The following AGO3 variants were observed in gnomAD, a reference collection of about 807,000 sequenced individuals.
AGO3 encodes argonaute RISC catalytic component 3.
A neutral mutation model predicts 105.5 loss-of-function variants in AGO3; 16 were observed. That is an observed-to-expected ratio of 0.15 (90% CI 0.10 to 0.23). The LOEUF (loss-of-function observed/expected upper bound fraction) is 0.23. Ranked by LOEUF, AGO3 falls within the 10% of genes least tolerant of loss-of-function variation. AGO3 has a pLI of 1.00. For synonymous variants in AGO3, 340 were observed against 367.3 expected (o/e 0.93, Z 0.85); for missense variants, 534 against 1,088.0 (o/e 0.49, Z 7.16).
At chr1:36,049,811 AC>A (rs1463910504) in intron 17 of AGO3, among the ~76,000 whole-genome samples, 1 of 152,188 alleles carries the variant, frequency 6.6e-6, no homozygotes, top group African/African-American at 2.4e-5. Flanking sequence ...ATAAAATGAG[AC>A]AAAGAAGGTC....
At chr1:35,958,193 C>T (rs574036487) in intron 2 of AGO3, among the ~76,000 whole-genome samples, 14 of 152,044 alleles carry the variant, frequency 9.2e-5, no homozygotes, top group Admixed American at 3.9e-4. Flanking sequence ...TCAGCCTGGC[C>T]AACATGGTGA....
intron 1 of AGO3, among the ~76,000 whole-genome samples, chr1:35,932,881 C>T (rs187656477): frequency 4.6e-5 from 7 of 152,264 alleles, no homozygotes; most frequent in Admixed American, 4.6e-4. Context: ...TATTAATCAT[C>T]CCAAAACTTT....
In AGO3 at chr1:36,065,624, A is replaced by C. The variant is rs1268249663; in HGVS notation, c.*9879A>C. 1.3e-5 allele frequency: 2 copies of C among 152,106 alleles called. No individual in the cohort carries two copies. Among genetic ancestry groups the C allele is most frequent in the Non-Finnish European group, 2.9e-5 (2 of 68,088 alleles). 9.4% of individuals were successfully genotyped at this position (152,106 alleles called of 1,614,324 possible). A position where few individuals can be genotyped will look rare whatever the true frequency, so the allele number is the denominator to read the frequency against. On this transcript the variant is annotated 3_prime_UTR_variant, in exon 19 of 19. Coordinates refer to ENST00000373191, the MANE Select transcript of AGO3 (RefSeq NM_024852.4). Reference sequence around the variant, plus strand: ...TCCATCTCAAAACAAACATACAAACAAAAAAAGGTGCCTCTGGTCCTGTGT... The same window carrying C: ...TCCATCTCAAAACAAACATACAAACCAAAAAAGGTGCCTCTGGTCCTGTGT...
chr1:35,980,154 CTTAA>C (rs1007626587), intron 5 of AGO3, among the ~76,000 whole-genome samples: 5 of 152,266 alleles, frequency 3.3e-5, no homozygotes, highest in East Asian at 1.9e-4. Flanking sequence ...TTTTGTTTCC[CTTAA>C]TTGAGTAACA....
At chr1:35,998,186 C>A (rs1639927886) in intron 5 of AGO3, among the ~76,000 whole-genome samples, 3 of 152,116 alleles carry the variant, frequency 2.0e-5, no homozygotes, top group Admixed American at 2.0e-4. Context: ...TTCCCCTAAA[C>A]TCCCCTCCTT....
At chr1:36,041,490 C>T (rs1250214899) in intron 16 of AGO3, among the ~76,000 whole-genome samples, 2 of 152,114 alleles carry the variant, frequency 1.3e-5, no homozygotes, top group Non-Finnish European at 2.9e-5. Flanking sequence ...ATCCGCCTGC[C>T]TCGGCCTGCC....
chr1:35,949,007 G>A (rs370363315), intron 2 of AGO3, among the ~76,000 whole-genome samples: 10 of 151,954 alleles, frequency 6.6e-5, no homozygotes, highest in African/African-American at 1.7e-4. Context: ...GCAATGGCAC[G>A]ATCTCGGCTC....
chr1:36,002,324 A>ATTTTTTT (rs375411955), intron 5 of AGO3, among the ~76,000 whole-genome samples: 1 of 119,232 alleles, frequency 8.4e-6, no homozygotes, highest in African/African-American at 3.6e-5. Flanking sequence ...AGCCAAGATA[A>ATTTTTTT]TTTTTTTTTT....
intron 9 of AGO3, among the ~76,000 whole-genome samples, chr1:36,011,844 A>G (rs1640627665): frequency 6.6e-6 from 1 of 152,218 alleles, no homozygotes; most frequent in Non-Finnish European, 1.5e-5. Context: ...TGTAAAATAC[A>G]GATTATAAAA....
intron 1 of AGO3, among the ~76,000 whole-genome samples, chr1:35,937,814 A>T (rs1646178591): frequency 6.6e-6 from 1 of 152,184 alleles, no homozygotes; most frequent in Admixed American, 6.5e-5. Context: ...GTTTGGACAG[A>T]TTCATTGAAT....
intron 12 of AGO3, among the ~76,000 whole-genome samples, chr1:36,029,079 G>A (rs1341025755): frequency 6.6e-6 from 1 of 152,016 alleles, no homozygotes; most frequent in Non-Finnish European, 1.5e-5. Context: ...CATACCCTGG[G>A]ATACTAATAA....
intron 2 of AGO3, among the ~76,000 whole-genome samples, chr1:35,946,519 A>T (rs550506250): frequency 2.8e-4 from 42 of 152,182 alleles, no homozygotes; most frequent in East Asian, 7.7e-4. Context: ...AACACATTTT[A>T]AAAAAATGTG....
rs759085356 is a variant in AGO3, at chr1:35,994,042, ATTTTTT to A, written c.659-10278_659-10273del. On this transcript the variant is annotated intron_variant, in intron 5 of 18. Transcript: ENST00000373191. ...TACATGCGTGAGCCACTGCGCCCAG[ATTTTTT>A]TTTTTTTTTTTTTTTTTTTTGAGTC... Among the ~76,000 whole-genome samples the A allele has an allele frequency of 3.9e-4, 26 of 65,840 alleles. No individual in the cohort carries two copies. In the East Asian group the frequency reaches 6.6e-3, roughly 17 times the overall value. 43.2% of individuals were successfully genotyped at this position (65,840 alleles called of 152,430 possible).
At chr1:36,010,752 C>G (rs1191182569) in intron 9 of AGO3, among the ~76,000 whole-genome samples, 1 of 151,548 alleles carries the variant, frequency 6.6e-6, no homozygotes, top group Non-Finnish European at 1.5e-5. Flanking sequence ...ACTAAAAATA[C>G]AAAATTAGCC....
chr1:35,965,632 T>A lies in AGO3; in HGVS notation c.192-1323T>A, dbSNP rs1646759076. 2.6e-5 allele frequency among the ~76,000 whole-genome samples: 4 copies of A among 151,942 alleles called. No individual in the cohort carries two copies. In the South Asian group the frequency reaches 8.3e-4, roughly 32 times the overall value. ...GTGAATCAAATTTTTGTTGTAAAATTTACTCTAGAAGAGGCTTGATACTGT... is the reference window on the plus strand; with the variant it reads ...GTGAATCAAATTTTTGTTGTAAAATATACTCTAGAAGAGGCTTGATACTGT... On this transcript the variant is annotated intron_variant, in intron 2 of 18. Coordinates refer to ENST00000373191, the MANE Select transcript of AGO3 (RefSeq NM_024852.4).
chr1:35,994,981 C>T (rs1242450466), intron 5 of AGO3, among the ~76,000 whole-genome samples: 1 of 151,690 alleles, frequency 6.6e-6, no homozygotes, highest in Admixed American at 6.6e-5. Flanking sequence ...GGTGGATTGC[C>T]TGAGCTCAGG....
chr1:36,052,989 A>G (rs1253462471), intron 17 of AGO3, among the ~76,000 whole-genome samples: 2 of 152,000 alleles, frequency 1.3e-5, no homozygotes, highest in Non-Finnish European at 1.5e-5. Context: ...TAAATCCTAT[A>G]TGACTGGTTT....
At position 36,061,114 on chromosome 1, in the gene AGO3, C is replaced by T. The variant is rs978283704; in HGVS notation, c.*5369C>T. 2.6e-5 allele frequency: 4 copies of T among 152,012 alleles called. No homozygotes were observed. The highest frequency in any genetic ancestry group is 4.8e-5 in the African/African-American group (2 of 41,376). 9.4% of individuals were successfully genotyped at this position (152,012 alleles called of 1,614,324 possible). A position where few individuals can be genotyped will look rare whatever the true frequency, so the allele number is the denominator to read the frequency against. On this transcript the variant is annotated 3_prime_UTR_variant, in exon 19 of 19. Coordinates refer to ENST00000373191, the MANE Select transcript of AGO3 (RefSeq NM_024852.4). ...GCTTATACTAAGAACATTCTTGATC[C>T]GTTGCAGTGTTAGAAATGACACTGT...
chr1:36,014,719 C>T (rs1243073138), intron 11 of AGO3, among the ~76,000 whole-genome samples: 1 of 143,444 alleles, frequency 7.0e-6, no homozygotes, highest in Non-Finnish European at 1.5e-5. Flanking sequence ...TGTAGTGAGC[C>T]GAGATTGTGC....
Sources: gnomAD v4.1 joint callset for allele counts (sites outside exome capture counted in the v4.1 genomes callset) on GRCh38, gnomAD v4.1.1 for gene constraint, MANE v1.5 for transcripts, NCBI Gene and HGNC (gene_info 2026-07-23, HGNC 2026-07-21) for gene names.